The following NKAIN3 variants were observed in gnomAD, a reference collection of about 807,000 sequenced individuals.
NKAIN3 encodes the protein sodium/potassium transporting ATPase interacting 3, also known as sodium/potassium-transporting ATPase subunit beta-1-interacting protein 3.
Under a neutral mutation model 30.2 loss-of-function variants are expected in NKAIN3, and 25 were observed. That is an observed-to-expected ratio of 0.83 (90% CI 0.60 to 1.16). NKAIN3 has a LOEUF of 1.16. Ranked by LOEUF, NKAIN3 falls within the 50% of genes most tolerant of loss-of-function variation. NKAIN3 has a pLI of 0.00. For synonymous variants in NKAIN3, 91 were observed against 89.6 expected (o/e 1.02, Z -0.09); for missense variants, 225 against 254.1 (o/e 0.89, Z 0.78).
chr8:62,786,347 T>C (rs1175914859), intron 4 of NKAIN3, among the ~76,000 whole-genome samples: 1 of 152,090 alleles, frequency 6.6e-6, no homozygotes, highest in Non-Finnish European at 1.5e-5. Flanking sequence ...TTTTATTAAG[T>C]GTCTTTCATT....
intron 1 of NKAIN3, among the ~76,000 whole-genome samples, chr8:62,404,264 T>C (rs190882074): frequency 1.3e-3 from 194 of 152,298 alleles, no homozygotes; most frequent in African/African-American, 4.6e-3. Flanking sequence ...TTTGAGTTAA[T>C]GCTGGAATAA....
intron 5 of NKAIN3, among the ~76,000 whole-genome samples, chr8:62,940,169 A>T (rs961025197): frequency 3.9e-5 from 6 of 151,996 alleles, no homozygotes; most frequent in Admixed American, 3.9e-4. Context: ...AAAAGACAAA[A>T]AGGGACATTA....
At position 62,919,227 on chromosome 8, in the gene NKAIN3, A is replaced by ATTTTTTTTTTTTTTTTT. The variant is rs71255371; in HGVS notation, c.532+733_532+749dup. 2.1e-4 allele frequency among the ~76,000 whole-genome samples: 10 copies of ATTTTTTTTTTTTTTTTT among 47,188 alleles called. 2 individuals carry two copies. The highest frequency in any genetic ancestry group is 2.7e-4 in the African/African-American group (3 of 11,068). 31.0% of individuals were successfully genotyped at this position (47,188 alleles called of 152,430 possible). On this transcript the variant is annotated intron_variant, in intron 5 of 6. Coordinates refer to ENST00000623646, the MANE Select transcript of NKAIN3 (RefSeq NM_001304533.3). ...TCACTTTTTTTTATTTACTTTCAAAATTTTTTTTTTTTTTTTTTTTTTTTT... is the reference window on the plus strand; with the variant it reads ...TCACTTTTTTTTATTTACTTTCAAAATTTTTTTTTTTTTTTTTTTTTTTTTTTTTTTTTTTTTTTTTT...
At chr8:62,491,460 C>G (rs987631572) in intron 1 of NKAIN3, among the ~76,000 whole-genome samples, 1 of 152,148 alleles carries the variant, frequency 6.6e-6, no homozygotes, top group Non-Finnish European at 1.5e-5. Context: ...AACTAGCCCC[C>G]ACATGTGAAT....
intron 1 of NKAIN3, among the ~76,000 whole-genome samples, chr8:62,356,303 A>AT (rs1163416263): frequency 2.6e-5 from 4 of 152,182 alleles, no homozygotes; most frequent in Admixed American, 6.6e-5. Context: ...TTCTAATCCC[A>AT]TTTTTTCTCA....
At chr8:62,762,078 G>A (rs1225670877) in intron 4 of NKAIN3, among the ~76,000 whole-genome samples, 1 of 152,220 alleles carries the variant, frequency 6.6e-6, no homozygotes, top group Non-Finnish European at 1.5e-5. Context: ...CACTTTGGGA[G>A]GCTGAGGCGG....
intron 3 of NKAIN3, among the ~76,000 whole-genome samples, chr8:62,681,432 T>A (rs1037911240): frequency 3.3e-5 from 5 of 152,220 alleles, no homozygotes; most frequent in Non-Finnish European, 7.3e-5. Flanking sequence ...TGATACTCAG[T>A]TAATTTTTCT....
At chr8:62,372,579 GTTAT>G (rs1368124770) in intron 1 of NKAIN3, among the ~76,000 whole-genome samples, 1 of 151,976 alleles carries the variant, frequency 6.6e-6, no homozygotes, top group Non-Finnish European at 1.5e-5. Flanking sequence ...AACAATAGAT[GTTAT>G]TTAACTATGG....
intron 5 of NKAIN3, among the ~76,000 whole-genome samples, chr8:62,946,279 C>T (rs750974395): frequency 3.3e-5 from 5 of 152,172 alleles, no homozygotes; most frequent in Non-Finnish European, 5.9e-5. Flanking sequence ...GTTTAAGGCA[C>T]TGTCAAGTCC....
chr8:62,370,928 T>C (rs966525234), intron 1 of NKAIN3, among the ~76,000 whole-genome samples: 4 of 152,010 alleles, frequency 2.6e-5, no homozygotes, highest in Non-Finnish European at 2.9e-5. Flanking sequence ...CAAGTCTATA[T>C]GAGCCTTCAG....
intron 4 of NKAIN3, among the ~76,000 whole-genome samples, chr8:62,756,891 A>G (rs1197443784): frequency 2.0e-5 from 3 of 152,204 alleles, no homozygotes; most frequent in African/African-American, 7.2e-5. Context: ...CCTGATGCTC[A>G]TGATTATCCC....
intron 1 of NKAIN3, among the ~76,000 whole-genome samples, chr8:62,345,988 T>A (rs1465299437): frequency 1.3e-5 from 2 of 152,052 alleles, no homozygotes; most frequent in African/African-American, 4.8e-5. Context: ...AAACATCATA[T>A]AACCTCACTC....
chr8:62,688,778 A>G (rs1222101693), intron 3 of NKAIN3, among the ~76,000 whole-genome samples: 1 of 151,610 alleles, frequency 6.6e-6, no homozygotes, highest in Non-Finnish European at 1.5e-5. Context: ...ACACAAAACC[A>G]TAACGTATTC....
At chr8:62,942,578 G>T (rs1585604102) in intron 5 of NKAIN3, among the ~76,000 whole-genome samples, 1 of 147,252 alleles carries the variant, frequency 6.8e-6, no homozygotes, top group Non-Finnish European at 1.5e-5. Flanking sequence ...AGCCAAGTCA[G>T]ACTAAGCAAA....
intron 1 of NKAIN3, among the ~76,000 whole-genome samples, chr8:62,289,871 T>C (rs1443499409): frequency 6.6e-6 from 1 of 152,206 alleles, no homozygotes; most frequent in African/African-American, 2.4e-5. Flanking sequence ...TTCCTATCCT[T>C]GAGCATGGAA....
At chr8:62,723,945 T>G (rs910774867) in intron 3 of NKAIN3, among the ~76,000 whole-genome samples, 3 of 152,146 alleles carry the variant, frequency 2.0e-5, no homozygotes, top group African/African-American at 7.2e-5. Flanking sequence ...AACTTCTTAC[T>G]GTGTTTTCTC....
At chr8:62,278,824 T>C (rs1322242916) in intron 1 of NKAIN3, among the ~76,000 whole-genome samples, 1 of 152,218 alleles carries the variant, frequency 6.6e-6, no homozygotes, top group East Asian at 1.9e-4. Context: ...TTGTGAATAG[T>C]GCTGCAATAA....
intron 1 of NKAIN3, among the ~76,000 whole-genome samples, chr8:62,459,591 G>A (rs1188417263): frequency 1.3e-5 from 2 of 152,318 alleles, no homozygotes; most frequent in Non-Finnish European, 2.9e-5. Context: ...TAAATGCAAT[G>A]ATGGAAAACA....
chr8:62,795,193 T>C (rs1049488723), intron 4 of NKAIN3, among the ~76,000 whole-genome samples: 2 of 152,188 alleles, frequency 1.3e-5, no homozygotes, highest in Admixed American at 6.5e-5. Flanking sequence ...CCTTTGACTT[T>C]TTCTTATCTG....
Sources: gnomAD v4.1 joint callset for allele counts (sites outside exome capture counted in the v4.1 genomes callset) on GRCh38, gnomAD v4.1.1 for gene constraint, MANE v1.5 for transcripts, NCBI Gene and HGNC (gene_info 2026-07-23, HGNC 2026-07-21) for gene names.